NFYC: variants seen among roughly 807,000 people sequenced by gnomAD.
NFYC encodes CAAT box DNA-binding protein subunit C.
NFYC carries 25 observed loss-of-function variants against 53.1 expected under a neutral mutation model. That is an observed-to-expected ratio of 0.47 (90% confidence interval 0.34 to 0.66). The LOEUF (loss-of-function observed/expected upper bound fraction) is 0.66. Ranked by LOEUF, NFYC falls within the 30% of genes least tolerant of loss-of-function variation. NFYC has a pLI of 0.01. For synonymous variants in NFYC, 145 were observed against 152.6 expected (o/e 0.95, Z 0.37); for missense variants, 260 against 422.7 (o/e 0.62, Z 3.38).
intron 8 of NFYC, chr1:40,768,568 A>G (rs1163207364): frequency 6.6e-6 from 1 of 152,240 alleles, no homozygotes; most frequent in Non-Finnish European, 1.5e-5. Flanking sequence ...CTGCTGGCCA[A>G]ATGTTCCATA....
chr1:40,769,007 T>G, intron 8 of NFYC: 1 of 206,860 alleles, frequency 4.8e-6, no homozygotes, highest in Non-Finnish European at 1.0e-5. Flanking sequence ...GACTGACTCT[T>G]AGGACTTCTA....
chr1:40,746,908 A>G (rs181506428), intron 2 of NFYC, among the ~76,000 whole-genome samples: 137 of 152,212 alleles, frequency 9.0e-4, no homozygotes, highest in African/African-American at 2.5e-3. Context: ...ATTCACCCTC[A>G]TCCTTTTTCT....
At chr1:40,765,446 G>A (rs1436083668) in intron 7 of NFYC, among the ~76,000 whole-genome samples, 5 of 152,316 alleles carry the variant, frequency 3.3e-5, no homozygotes, top group South Asian at 2.1e-4. Context: ...AACACTGCGT[G>A]CAGGAATGCA....
intron 1 of NFYC, chr1:40,692,261 A>G (rs760802730): frequency 1.9e-5 from 3 of 158,348 alleles, no homozygotes; most frequent in South Asian, 1.4e-4. Context: ...GGCTGGGGCA[A>G]TGACCCCCTG....
chr1:40,714,991 A>C (rs1644074306), intron 1 of NFYC, among the ~76,000 whole-genome samples: 1 of 152,058 alleles, frequency 6.6e-6, no homozygotes, highest in Non-Finnish European at 1.5e-5. Context: ...GAGGCAGGAG[A>C]ATGGCATGAA....
At chr1:40,730,444 G>A (rs1570483102) in intron 1 of NFYC, 3 of 345,488 alleles carry the variant, frequency 8.7e-6, no homozygotes, top group Non-Finnish European at 8.2e-6. Context: ...TGTGTCTCAG[G>A]TAATAGGGAG....
intron 1 of NFYC, chr1:40,723,258 A>G (rs926631186): frequency 1.3e-5 from 2 of 152,238 alleles, no homozygotes; most frequent in Non-Finnish European, 2.9e-5. Context: ...CTGTTTGTGA[A>G]TCTCAGAAGG....
At chr1:40,703,960 G>T (rs1314298757) in intron 1 of NFYC, among the ~76,000 whole-genome samples, 2 of 152,166 alleles carry the variant, frequency 1.3e-5, no homozygotes, top group African/African-American at 4.8e-5. Context: ...TAAGCAGGTA[G>T]CTATGATTCA....
At chr1:40,759,575 G>GTA (rs1363377461) in intron 6 of NFYC, among the ~76,000 whole-genome samples, 2 of 150,800 alleles carry the variant, frequency 1.3e-5, no homozygotes, top group Admixed American at 6.6e-5. Flanking sequence ...GTGTGTGTGT[G>GTA]TATGTGTGTG....
At chr1:40,696,818 G>C (rs1170211398) in intron 1 of NFYC, among the ~76,000 whole-genome samples, 2 of 152,168 alleles carry the variant, frequency 1.3e-5, no homozygotes, top group African/African-American at 4.8e-5. Flanking sequence ...TGAGTTATCT[G>C]ATGTCTTACA....
intron 5 of NFYC, chr1:40,757,270 C>A: frequency 1.9e-6 from 1 of 526,994 alleles, no homozygotes; most frequent in Non-Finnish European, 3.9e-6. Flanking sequence ...CAACCCTGGA[C>A]CCTGTGGGCT....
chr1:40,732,216 G>A (rs1644807377), intron 1 of NFYC, among the ~76,000 whole-genome samples: 1 of 152,192 alleles, frequency 6.6e-6, no homozygotes, highest in South Asian at 2.1e-4. Flanking sequence ...AAAGAGTTTG[G>A]TATAGAGAAT....
At chr1:40,763,250 A>G (rs916328558) in intron 7 of NFYC, 1 of 467,886 alleles carries the variant, frequency 2.1e-6, no homozygotes, top group Non-Finnish European at 3.8e-6. Flanking sequence ...CTTGATATGT[A>G]TATCTATAGC....
At chr1:40,768,008 G>A (rs917167467) in intron 8 of NFYC, among the ~76,000 whole-genome samples, 3 of 152,148 alleles carry the variant, frequency 2.0e-5, no homozygotes, top group South Asian at 2.1e-4. Context: ...TCCGTTTTGG[G>A]AACAGAACTA....
intron 1 of NFYC, among the ~76,000 whole-genome samples, chr1:40,695,301 C>T (rs1383696217): frequency 1.3e-5 from 2 of 152,130 alleles, no homozygotes; most frequent in Non-Finnish European, 2.9e-5. Flanking sequence ...ATTTTTATCC[C>T]CTTTTATTTT....
At chr1:40,714,495 A>G (rs1310908708) in intron 1 of NFYC, among the ~76,000 whole-genome samples, 2 of 152,256 alleles carry the variant, frequency 1.3e-5, no homozygotes, top group African/African-American at 4.8e-5. Flanking sequence ...CATTGAAAGA[A>G]TGAGGGCTTG....
At chr1:40,725,868 G>A (rs1039685954) in intron 1 of NFYC, among the ~76,000 whole-genome samples, 4 of 152,222 alleles carry the variant, frequency 2.6e-5, no homozygotes, top group African/African-American at 9.6e-5. Context: ...AGTGCAAATA[G>A]AAGTTATGTT....
chr1:40,747,687 TTTAA>T lies in NFYC; in HGVS notation c.177+87_177+90del, dbSNP rs1645683928. 3 of 904,030 alleles carry T rather than the reference TTTAA, an allele frequency of 3.3e-6. No homozygotes were observed. The South Asian group carries it at 4.6e-5, about 14-fold the overall frequency. The allele number at this position is 904,030 out of a possible 1,614,324, so 56.0% of individuals were successfully genotyped here. On this transcript the variant is annotated intron_variant, in intron 3 of 9. Transcript: ENST00000447388. ...TTGCTCATTTCTCTAGAGCTCAAAG[TTTAA>T]TTAAACAAGAACACACAAAAATTAC...
intron 1 of NFYC, among the ~76,000 whole-genome samples, chr1:40,717,791 G>A (rs558602678): frequency 6.6e-6 from 1 of 152,284 alleles, no homozygotes; most frequent in Non-Finnish European, 1.5e-5. Context: ...TCAAATGGCA[G>A]CATCCTGCAT....
Sources: allele counts gnomAD v4.1 joint callset (sites outside exome capture counted in the v4.1 genomes callset), GRCh38; gene constraint gnomAD v4.1.1; transcripts MANE v1.5; gene names NCBI Gene and HGNC (gene_info 2026-07-23, HGNC 2026-07-21).